ASB18: variants seen among roughly 807,000 people sequenced by gnomAD.
ASB18 encodes ankyrin repeat and SOCS box containing 18.
A neutral mutation model predicts 33.4 loss-of-function variants in ASB18; 33 were observed. The observed-to-expected ratio is 0.99, with a 90% CI of 0.75 to 1.32. The LOEUF is 1.32. Among genes scored for constraint, ASB18 ranks in the 40% most tolerant of loss-of-function variants. The pLI, the probability that ASB18 is intolerant of heterozygous loss-of-function variation, is 0.00. For missense variants in ASB18, 694 were observed against 655.5 expected (o/e 1.06, Z -0.64); for synonymous variants, 295 against 307.6 (o/e 0.96, Z 0.43).
In ASB18 at chr2:236,253,614, C is replaced by T. The variant is rs2060678676; in HGVS notation, c.205+10527G>A. Among the ~76,000 whole-genome samples, 1 of 152,028 alleles carries T rather than the reference C, an allele frequency of 6.6e-6. No individual in the cohort carries two copies. Among genetic ancestry groups the T allele is most frequent in the Non-Finnish European group, 1.5e-5 (1 of 68,008 alleles). ...TGTTGCCCAGGCTGGTCTCTAACTCCTGGCCTCAAGTGATCTTCCCACCTC... is the reference window on the plus strand; with the variant it reads ...TGTTGCCCAGGCTGGTCTCTAACTCTTGGCCTCAAGTGATCTTCCCACCTC... On this transcript the variant is annotated intron_variant, in intron 1 of 5. Coordinates refer to ENST00000409749, the MANE Select transcript of ASB18 (RefSeq NM_212556.4). This position sits in a 1 kb window ranked among gnomAD's most constrained non-coding sequence, Gnocchi z 5.4.
chr2:236,261,374 C>G (rs2060717416), intron 1 of ASB18, among the ~76,000 whole-genome samples: 1 of 152,192 alleles, frequency 6.6e-6, no homozygotes, highest in South Asian at 2.1e-4. Context: ...CTAGACTCAT[C>G]TCCTTCCTAG....
intron 1 of ASB18, chr2:236,247,958 C>T (rs1457538256): frequency 6.6e-6 from 1 of 152,130 alleles, no homozygotes; most frequent in Non-Finnish European, 1.5e-5. Context: ...TCACCTGGAG[C>T]TCCACAAGTC....
intron 1 of ASB18, among the ~76,000 whole-genome samples, chr2:236,242,344 C>T (rs1490174340): frequency 6.6e-6 from 1 of 152,176 alleles, no homozygotes; most frequent in Non-Finnish European, 1.5e-5. Flanking sequence ...TAGTCTTTCT[C>T]CAAGCGAAGG....
rs1024123042 is a variant in ASB18, at chr2:236,237,355, G to C, written c.596+334C>G. ...AACCCGCGGGGGCCGGGGCCGGGGC[G>C]CGGGGCGGGGGCCGGGGCCGGGGCG... On this transcript the variant is annotated intron_variant, in intron 3 of 5. Transcript: ENST00000409749. The surrounding 1 kb of genome is among the most constrained non-coding windows in gnomAD (Gnocchi z 6.2). 1.3e-4 allele frequency among the ~76,000 whole-genome samples: 6 copies of C among 44,458 alleles called. 2 individuals carry two copies. Among genetic ancestry groups the C allele is most frequent in the Admixed American group, 9.0e-4 (3 of 3,340 alleles). 29.2% of individuals were successfully genotyped at this position (44,458 alleles called of 152,430 possible). A position where few individuals can be genotyped will look rare whatever the true frequency, so the allele number is the denominator to read the frequency against.
rs866786514 is a variant in ASB18 at position 236,196,187 on chromosome 2, A to G, written c.1215+85T>C. 2 of 743,182 alleles carry G rather than the reference A, an allele frequency of 2.7e-6. No individual in the cohort carries two copies. The highest frequency in any genetic ancestry group is 3.5e-5 in the African/African-American group (2 of 57,686). 46.0% of individuals were successfully genotyped at this position (743,182 alleles called of 1,614,324 possible). A position where few individuals can be genotyped will look rare whatever the true frequency, so the allele number is the denominator to read the frequency against. On this transcript the variant is annotated intron_variant, in intron 5 of 5. Transcript: ENST00000409749. The surrounding 1 kb of genome is among the most constrained non-coding windows in gnomAD (Gnocchi z 5.6). ...TTTCAGATGTATAATACTTAGCCGA[A>G]TATCAGTGCAAAACTCCCCATGCAA...
intron 1 of ASB18, among the ~76,000 whole-genome samples, chr2:236,246,529 A>G (rs1237947014): frequency 1.3e-5 from 2 of 151,980 alleles, no homozygotes; most frequent in Non-Finnish European, 2.9e-5. Flanking sequence ...CAAAGAGCCC[A>G]CTGTGTGCCT....
intron 1 of ASB18, among the ~76,000 whole-genome samples, chr2:236,254,705 T>G (rs1462315526): frequency 6.6e-6 from 1 of 152,156 alleles, no homozygotes; most frequent in Non-Finnish European, 1.5e-5. Flanking sequence ...CGGCTCTGTC[T>G]TCTGTCCTCT....
At chr2:236,258,536 C>T (rs910903575) in intron 1 of ASB18, among the ~76,000 whole-genome samples, 4 of 152,092 alleles carry the variant, frequency 2.6e-5, no homozygotes, top group Admixed American at 6.5e-5. Flanking sequence ...TCCTCTAAGG[C>T]GGGAGCTGTG....
At chr2:236,227,282 G>A (rs914472208) in intron 3 of ASB18, among the ~76,000 whole-genome samples, 4 of 152,028 alleles carry the variant, frequency 2.6e-5, no homozygotes, top group Admixed American at 2.6e-4. Context: ...CAATAACTAT[G>A]GAGATAAAGG....
chr2:236,244,249 G>A lies in ASB18; in HGVS notation c.206-2847C>T, dbSNP rs2060634343. 6.6e-6 allele frequency among the ~76,000 whole-genome samples: 1 copy of A among 152,218 alleles called. No individual in the cohort carries two copies. Among genetic ancestry groups the A allele is most frequent in the Non-Finnish European group, 1.5e-5 (1 of 68,050 alleles). The stretch of plus-strand genomic sequence containing the variant: ...ATGAGTTACGATACAAACTATATGA[G>A]CAGAGGCTGGAGGGAGGTGAAAGGG... On this transcript the variant is annotated intron_variant, in intron 1 of 5. Transcript: ENST00000409749. This position sits in a 1 kb window ranked among gnomAD's most constrained non-coding sequence, Gnocchi z 6.1.
chr2:236,246,346 C>CAAAAAAAAAAA lies in ASB18; in HGVS notation c.206-4955_206-4945dup, dbSNP rs60064230. ...TGGGTGACAGAGCAAGACTCCATCTCAAAAAAAAAAAAAAAAAAAAAAAAA... is the reference window on the plus strand; with the variant it reads ...TGGGTGACAGAGCAAGACTCCATCTCAAAAAAAAAAAAAAAAAAAAAAAAAAAAAAAAAAAA... On this transcript the variant is annotated intron_variant, in intron 1 of 5. Transcript: ENST00000409749. Among the ~76,000 whole-genome samples the CAAAAAAAAAAA allele has an allele frequency of 1.4e-3, 46 of 32,720 alleles. 5 individuals carry two copies. Among genetic ancestry groups the CAAAAAAAAAAA allele is most frequent in the African/African-American group, 3.4e-3 (38 of 11,106 alleles). 21.5% of individuals were successfully genotyped at this position (32,720 alleles called of 152,430 possible).
rs1192324595 is a variant in ASB18, at chr2:236,196,635, A to C, written c.1102-250T>G. 6.6e-6 allele frequency among the ~76,000 whole-genome samples: 1 copy of C among 152,138 alleles called. No individual in the cohort carries two copies. Among genetic ancestry groups the C allele is most frequent in the Non-Finnish European group, 1.5e-5 (1 of 68,002 alleles). Reference sequence around the variant, plus strand: ...TCCCATCATGATGGCCGCCCAGCCAAAGTCTGGGCCAAGTGCTTAAGCATT... The same window carrying C: ...TCCCATCATGATGGCCGCCCAGCCACAGTCTGGGCCAAGTGCTTAAGCATT... On this transcript the variant is annotated intron_variant, in intron 4 of 5. Coordinates refer to ENST00000409749, the MANE Select transcript of ASB18 (RefSeq NM_212556.4). This position sits in a 1 kb window ranked among gnomAD's most constrained non-coding sequence, Gnocchi z 5.6.
rs2060724027 is a variant in ASB18, at chr2:236,262,512, C to G, written c.205+1629G>C. ...GCCGGGGAAGCACTTGCCCTACCCT[C>G]ACTTTCCTCCAACTCCTATCATTAG... On this transcript the variant is annotated intron_variant, in intron 1 of 5. Transcript: ENST00000409749. This position sits in a 1 kb window ranked among gnomAD's most constrained non-coding sequence, Gnocchi z 5.2. 6.6e-6 allele frequency among the ~76,000 whole-genome samples: 1 copy of G among 152,222 alleles called. No homozygotes were observed. The highest frequency in any genetic ancestry group is 2.1e-4 in the South Asian group (1 of 4,830).
Position 236,196,657 on chromosome 2 carries a change from C to A in ASB18, c.1102-272G>T, listed in dbSNP as rs1290103464. ...CCAAAGTCTGGGCCAAGTGCTTAAG[C>A]ATTCAGGTTCCCAGGGGGGCTATGC... On this transcript the variant is annotated intron_variant, in intron 4 of 5. Transcript: ENST00000409749. This position sits in a 1 kb window ranked among gnomAD's most constrained non-coding sequence, Gnocchi z 5.6. Among the ~76,000 whole-genome samples the A allele has an allele frequency of 6.6e-6, 1 of 152,200 alleles. No individual in the cohort carries two copies. Among genetic ancestry groups the A allele is most frequent in the African/African-American group, 2.4e-5 (1 of 41,442 alleles).
At chr2:236,212,207 T>C (rs1416493296) in intron 4 of ASB18, among the ~76,000 whole-genome samples, 1 of 152,150 alleles carries the variant, frequency 6.6e-6, no homozygotes, top group Admixed American at 6.5e-5. Flanking sequence ...GAATGGAGGA[T>C]GAGTTGCACC....
At position 236,194,858 on chromosome 2, in the gene ASB18, CA is replaced by C. The variant is rs2042134299; in HGVS notation, c.*13del. ...GCGAGGAGAACAACAGTATTGGTTG[CA>C]GCGTTCTGCGTTTCAGTGCAAAACA... On this transcript the variant is annotated 3_prime_UTR_variant, in exon 6 of 6. Transcript: ENST00000409749. This position sits in a 1 kb window ranked among gnomAD's most constrained non-coding sequence, Gnocchi z 4.5. 6.2e-7 allele frequency: 1 copy of C among 1,607,486 alleles called. No homozygotes were observed. Among genetic ancestry groups the C allele is most frequent in the Non-Finnish European group, 8.5e-7 (1 of 1,176,244 alleles).
rs953877473 is a variant in ASB18, at chr2:236,228,328, G to A, written c.596+9361C>T. 6.1e-5 allele frequency among the ~76,000 whole-genome samples: 8 copies of A among 130,982 alleles called. No homozygotes were observed. Among genetic ancestry groups the A allele is most frequent in the Non-Finnish European group, 1.1e-4 (7 of 65,426 alleles). 85.9% of individuals were successfully genotyped at this position (130,982 alleles called of 152,430 possible). A position where few individuals can be genotyped will look rare whatever the true frequency, so the allele number is the denominator to read the frequency against. ...CTCAGGCTGAGGGTTCTATGAAGGG[G>A]ACCCCAGCAGAGCCTGGTGAGCTGA... is the stretch of plus-strand genomic sequence containing the variant. On this transcript the variant is annotated intron_variant, in intron 3 of 5. Coordinates refer to ENST00000409749, the MANE Select transcript of ASB18 (RefSeq NM_212556.4). The surrounding 1 kb of genome is among the most constrained non-coding windows in gnomAD (Gnocchi z 5.1).
At position 236,224,213 on chromosome 2, in the gene ASB18, T is replaced by A. The variant is rs1321932366; in HGVS notation, c.597-9347A>T. ...TTTTTTTTTTTTTTTTTTTTTTTTT[T>A]TAGCCATTCTAATGCATGTGAAATG... On this transcript the variant is annotated intron_variant, in intron 3 of 5. Transcript: ENST00000409749. Among the ~76,000 whole-genome samples the A allele has an allele frequency of 2.9e-5, 4 of 140,230 alleles. No individual in the cohort carries two copies. The East Asian group carries it at 8.3e-4, about 29-fold the overall frequency. The allele number at this position is 140,230 out of a possible 152,430, so 92.0% of individuals were successfully genotyped here.
rs1024867548 is a variant in ASB18 at position 236,251,338 on chromosome 2, G to A, written c.206-9936C>T. 6.6e-6 allele frequency among the ~76,000 whole-genome samples: 1 copy of A among 152,176 alleles called. No homozygotes were observed. The highest frequency in any genetic ancestry group is 2.4e-5 in the African/African-American group (1 of 41,436). Reference sequence around the variant, plus strand: ...GACTCTGGGGACGTTGCTGGAAAGCGTATCATTGAAGCTCTCCCTGATAAA... The same window carrying A: ...GACTCTGGGGACGTTGCTGGAAAGCATATCATTGAAGCTCTCCCTGATAAA... On this transcript the variant is annotated intron_variant, in intron 1 of 5. Coordinates refer to ENST00000409749, the MANE Select transcript of ASB18 (RefSeq NM_212556.4). The surrounding 1 kb of genome is among the most constrained non-coding windows in gnomAD (Gnocchi z 5.3).
Sources: gnomAD v4.1 joint callset for allele counts (sites outside exome capture counted in the v4.1 genomes callset) on GRCh38, gnomAD v4.1.1 for gene constraint, Gnocchi (gnomAD v3.1) non-coding constraint, MANE v1.5 for transcripts, NCBI Gene and HGNC (gene_info 2026-07-23, HGNC 2026-07-21) for gene names.